Variants in GLG1 observed in about 807,000 individuals in gnomAD.
GLG1 encodes Golgi apparatus protein 1.
GLG1 carries 38 observed loss-of-function variants against 160.5 expected under a neutral mutation model. The observed-to-expected ratio is 0.24, with a 90% CI of 0.18 to 0.31. The LOEUF is 0.31. Among genes scored for constraint, GLG1 ranks in the 10% least tolerant of loss-of-function variants. The pLI is 1.00. For missense variants in GLG1, 1,373 were observed against 1,505.2 expected (o/e 0.91, Z 1.45); for synonymous variants, 644 against 543.4 (o/e 1.19, Z -2.57).
At chr16:74,474,099 G>A (rs574528477) in intron 13 of GLG1, 12 of 156,618 alleles carry the variant, frequency 7.7e-5, no homozygotes, top group East Asian at 3.6e-4. Flanking sequence ...CACTACAGGC[G>A]TGTTTCACCA....
Position 74,496,621 on chromosome 16 carries a change from C to T in GLG1, c.798G>A (p.Val266=). Residue 266 remains valine, a synonymous_variant, in exon 5 of 26, where the codon GTG becomes GTA. Transcript: ENST00000422840. The part of the protein sequence containing the change: ...GEKDAHSQGE[V]VSCLEKGLVK... ...CCAGGCCTTTCTCCAAGCATGATAC[C>T]ACCTCACCTTGTGAATGTGCATCCT... 3 of 1,611,360 alleles carry T rather than the reference C, an allele frequency of 1.9e-6. No individual in the cohort carries two copies. Among genetic ancestry groups the T allele is most frequent in the Non-Finnish European group, 2.5e-6 (3 of 1,177,788 alleles).
At chr16:74,469,884 C>T (rs184586627) in intron 16 of GLG1, 101 bp downstream of exon 16, 2 of 795,124 alleles carry the variant, frequency 2.5e-6, no homozygotes, top group African/African-American at 1.7e-5. Flanking sequence ...CCAGGGCTAA[C>T]CCCACGAGGC....
intron 8 of GLG1, among the ~76,000 whole-genome samples, chr16:74,486,700 A>G (rs1257789795): frequency 6.6e-6 from 1 of 152,190 alleles, no homozygotes; most frequent in Non-Finnish European, 1.5e-5. Context: ...TAAAATCAAA[A>G]GAACTGAGTT....
chr16:74,506,750 T>G (rs2016628461), intron 3 of GLG1, among the ~76,000 whole-genome samples: 1 of 151,970 alleles, frequency 6.6e-6, no homozygotes, highest in African/African-American at 2.4e-5. Flanking sequence ...CAACAGGGCG[T>G]GGTGTTAGAA....
At position 74,520,044 on chromosome 16, in the gene GLG1, T is replaced by C. The variant is rs191295547; in HGVS notation, c.472-11119A>G. 2.2e-4 allele frequency among the ~76,000 whole-genome samples: 33 copies of C among 152,374 alleles called. 1 individual carries two copies. The highest frequency in any genetic ancestry group is 1.9e-3 in the East Asian group (10 of 5,188). Reference sequence around the variant, plus strand: ...CTCTATAGTTAAGTCACTTATTTCATAGGCCTATTTTCCTATACACCCATT... The same window carrying C: ...CTCTATAGTTAAGTCACTTATTTCACAGGCCTATTTTCCTATACACCCATT... On this transcript the variant is annotated intron_variant, in intron 2 of 25. Transcript: ENST00000422840.
chr16:74,503,429 A>C (rs1597277884), intron 4 of GLG1, 102 bp downstream of exon 4: 1 of 765,232 alleles, frequency 1.3e-6, no homozygotes, highest in Non-Finnish European at 2.3e-6. Context: ...ATTTCAACTT[A>C]AGGTCACTCC....
chr16:74,602,581 A>G (rs1958464496), intron 1 of GLG1, among the ~76,000 whole-genome samples: 1 of 152,098 alleles, frequency 6.6e-6, no homozygotes, highest in African/African-American at 2.4e-5. Flanking sequence ...CAGGAGTTCG[A>G]GACTAGCCTG....
In GLG1 at chr16:74,452,412, T is replaced by A; in HGVS notation, c.*755A>T. On this transcript the variant is annotated 3_prime_UTR_variant, in exon 26 of 26. Coordinates refer to ENST00000422840, the MANE Select transcript of GLG1 (RefSeq NM_001145667.2). ...TTCAACTTCACAAACTTCCGGTCCC[T>A]TCCCCTCCCCAGCTGCCCTTGTCTA... 2 of 1,184,900 alleles carry A rather than the reference T, an allele frequency of 1.7e-6. No homozygotes were observed. The highest frequency in any genetic ancestry group is 2.1e-6 in the Non-Finnish European group (2 of 948,352). 73.4% of individuals were successfully genotyped at this position (1,184,900 alleles called of 1,614,324 possible). A position where few individuals can be genotyped will look rare whatever the true frequency, so the allele number is the denominator to read the frequency against.
At chr16:74,469,377 A>G in intron 16 of GLG1, 1 of 326,198 alleles carries the variant, frequency 3.1e-6, no homozygotes, top group Non-Finnish European at 5.8e-6. Context: ...GCTGCTCTTA[A>G]CTCTAGGACT....
At chr16:74,522,845 A>C (rs929332473) in intron 2 of GLG1, among the ~76,000 whole-genome samples, 1 of 151,980 alleles carries the variant, frequency 6.6e-6, no homozygotes, top group Non-Finnish European at 1.5e-5. Context: ...CACCACACCC[A>C]GCTAATTTTT....
In GLG1 at chr16:74,540,067, TA is replaced by T. The variant is rs1426379069; in HGVS notation, c.439-7915del. Among the ~76,000 whole-genome samples the T allele has an allele frequency of 3.6e-3, 4 of 1,102 alleles. 1 individual carries two copies. The highest frequency in any genetic ancestry group is 5.0e-3 in the African/African-American group (3 of 598). 0.7% of individuals were successfully genotyped at this position (1,102 alleles called of 152,430 possible). A position where few individuals can be genotyped will look rare whatever the true frequency, so the allele number is the denominator to read the frequency against. ...ATATATTATATATATTTTATATATATATATTATATATATTTTATATATATAT... is the reference window on the plus strand; with the variant it reads ...ATATATTATATATATTTTATATATATTATTATATATATTTTATATATATAT... On this transcript the variant is annotated intron_variant, in intron 1 of 25. Transcript: ENST00000422840.
At chr16:74,514,891 C>T (rs927711155) in intron 2 of GLG1, among the ~76,000 whole-genome samples, 7 of 151,698 alleles carry the variant, frequency 4.6e-5, no homozygotes, top group Non-Finnish European at 8.8e-5. Flanking sequence ...ATTCAGGAGA[C>T]GCATCTCATG....
chr16:74,495,012 C>T (rs1010760593), intron 5 of GLG1, among the ~76,000 whole-genome samples, 181 bp from the exon 6 acceptor site: 1 of 150,274 alleles, frequency 6.7e-6, no homozygotes, highest in Non-Finnish European at 1.5e-5. Context: ...GCAGTAAAGA[C>T]GAAAAAAATA....
chr16:74,508,697 C>G (rs1006018588), intron 3 of GLG1, 142 bp downstream of exon 3: 1 of 565,616 alleles, frequency 1.8e-6, no homozygotes. Context: ...CTAATTACAC[C>G]CCCCAACTTC....
At position 74,542,739 on chromosome 16, in the gene GLG1, A is replaced by AAGGG. The variant is rs1567513940; in HGVS notation, c.439-10587_439-10586insCCCT. On this transcript the variant is annotated intron_variant, in intron 1 of 25. Transcript: ENST00000422840. ...AAGGGAAGGAAGGAAGGAAGGGAGG[A>AAGGG]AGGAAGGAAGGAAGGAAGGAAGGAA... is the stretch of plus-strand genomic sequence containing the variant. Among the ~76,000 whole-genome samples, 8 of 10,218 alleles carry AAGGG rather than the reference A, an allele frequency of 7.8e-4. 1 individual carries two copies. In the East Asian group the frequency reaches 0.02, roughly 26 times the overall value. The allele number at this position is 10,218 out of a possible 152,430, so 6.7% of individuals were successfully genotyped here.
In GLG1 at chr16:74,594,396, C is replaced by T. The variant is rs1469578785; in HGVS notation, c.438+12261G>A. On this transcript the variant is annotated intron_variant, in intron 1 of 25. Transcript: ENST00000422840. The stretch of plus-strand genomic sequence containing the variant: ...TGTAAATATCACACATTCAGTCAAA[C>T]AAAACTTTCTGATTTCAGTAAAATT... 2.0e-5 allele frequency among the ~76,000 whole-genome samples: 3 copies of T among 152,118 alleles called. No homozygotes were observed. The East Asian group carries it at 5.8e-4, about 29-fold the overall frequency.
intron 1 of GLG1, among the ~76,000 whole-genome samples, chr16:74,576,924 ATT>A (rs35963439): frequency 0.011 from 1,519 of 140,792 alleles, 16 homozygotes; most frequent in African/African-American, 0.029. Flanking sequence ...ACCACTCCTA[ATT>A]TTTTTTTTTT....
In GLG1 at chr16:74,474,561, A is replaced by T; in HGVS notation, c.2037T>A (p.Thr679=). ...VECRDIVGNL[T]ELESEDIQIE... is the part of the protein sequence containing the mutation. Reference sequence around the variant, plus strand: ...TACCACTTACCTCTGATTCTAACTCAGTGAGGTTGCCAACTATATCTCTAC... The same window carrying T: ...TACCACTTACCTCTGATTCTAACTCTGTGAGGTTGCCAACTATATCTCTAC... Residue 679 remains threonine (T), a synonymous_variant, in exon 13 of 26, where the codon ACT becomes ACA. Transcript: ENST00000422840. 12 of 1,525,718 alleles carry T rather than the reference A, an allele frequency of 7.9e-6. No homozygotes were observed. Among genetic ancestry groups the T allele is most frequent in the Non-Finnish European group, 1.1e-5 (12 of 1,099,336 alleles). 94.5% of individuals were successfully genotyped at this position (1,525,718 alleles called of 1,614,324 possible).
intron 1 of GLG1, among the ~76,000 whole-genome samples, chr16:74,544,991 G>C (rs960974268): frequency 6.6e-6 from 1 of 151,594 alleles, no homozygotes; most frequent in Non-Finnish European, 1.5e-5. Context: ...AAATACAAAA[G>C]AAGTGTTCTA....
Sources: gnomAD v4.1 joint callset for allele counts (sites outside exome capture counted in the v4.1 genomes callset) on GRCh38, gnomAD v4.1.1 for gene constraint, MANE v1.5 for transcripts, NCBI Gene and HGNC (gene_info 2026-07-23, HGNC 2026-07-21) for gene names.